ITGBL1: variants seen among roughly 807,000 people sequenced by gnomAD.
ITGBL1 encodes integrin beta-like protein 1.
A neutral mutation model predicts 68.5 loss-of-function variants in ITGBL1; 51 were observed. That is an observed-to-expected ratio of 0.74 (90% CI 0.59 to 0.94). The LOEUF (loss-of-function observed/expected upper bound fraction) is 0.94. ITGBL1 is among the 40% of genes least tolerant of loss of function. ITGBL1 has a pLI of 0.00. For synonymous variants in ITGBL1, 209 were observed against 227.3 expected (o/e 0.92, Z 0.72); for missense variants, 649 against 647.4 (o/e 1.00, Z -0.03).
At chr13:101,602,028 A>G (rs1410274196) in intron 7 of ITGBL1, among the ~76,000 whole-genome samples, 3 of 152,026 alleles carry the variant, frequency 2.0e-5, no homozygotes, top group African/African-American at 4.8e-5. Flanking sequence ...CTCTTTATAT[A>G]TATCTTTTGC....
At chr13:101,651,151 A>G (rs1437743603) in intron 7 of ITGBL1, among the ~76,000 whole-genome samples, 1 of 152,154 alleles carries the variant, frequency 6.6e-6, no homozygotes, top group East Asian at 1.9e-4. Flanking sequence ...ATATTCCTTT[A>G]GGTATATACC....
chr13:101,699,341 G>A lies in ITGBL1; in HGVS notation c.1132+6640G>A, dbSNP rs143581350. Reference sequence around the variant, plus strand: ...GAACCCCATCTCTCTCTTCTGCTCTGCCCTTCCAGTATGACGTTTATCATT... The same window carrying A: ...GAACCCCATCTCTCTCTTCTGCTCTACCCTTCCAGTATGACGTTTATCATT... On this transcript the variant is annotated intron_variant, in intron 8 of 10. Transcript: ENST00000376180. Among the ~76,000 whole-genome samples, 11 of 152,264 alleles carry A rather than the reference G, an allele frequency of 7.2e-5. No homozygotes were observed. The East Asian group carries it at 2.1e-3, about 29-fold the overall frequency.
chr13:101,580,155 G>A (rs1323130919), intron 5 of ITGBL1, among the ~76,000 whole-genome samples: 1 of 151,962 alleles, frequency 6.6e-6, no homozygotes, highest in East Asian at 1.9e-4. Context: ...CTATCCAATG[G>A]CATTAAAAAG....
chr13:101,553,725 C>A lies in ITGBL1; in HGVS notation c.317-13974C>A, dbSNP rs192264951. ...TGGCTTGTAGACACATTGCCCCGAT[C>A]CCTGCCTTCATCTTCACAAGGCATT... On this transcript the variant is annotated intron_variant, in intron 2 of 10. Coordinates refer to ENST00000376180, the MANE Select transcript of ITGBL1 (RefSeq NM_004791.3). Among the ~76,000 whole-genome samples the A allele has an allele frequency of 1.9e-3, 285 of 151,948 alleles. 1 individual carries two copies. Among genetic ancestry groups the A allele is most frequent in the Admixed American group, 5.4e-3 (83 of 15,252 alleles).
chr13:101,610,709 G>A (rs959748060), intron 7 of ITGBL1, among the ~76,000 whole-genome samples: 17 of 152,076 alleles, frequency 1.1e-4, no homozygotes, highest in Non-Finnish European at 1.5e-5. Flanking sequence ...AGAGCACAGG[G>A]CCCACAAAGC....
In ITGBL1 at chr13:101,715,548, T is replaced by C; in HGVS notation, c.1394-15T>C. On this transcript the variant is annotated splice_polypyrimidine_tract_variant and intron_variant, in intron 10 of 10. Coordinates refer to ENST00000376180, the MANE Select transcript of ITGBL1 (RefSeq NM_004791.3). ...TTTGATCATAATCATGATACCTATA[T>C]GTATTTTATTGCAGGGAATGGAATA... 6.4e-7 allele frequency: 1 copy of C among 1,562,512 alleles called. No individual in the cohort carries two copies. Among genetic ancestry groups the C allele is most frequent in the Non-Finnish European group, 8.8e-7 (1 of 1,132,906 alleles).
At chr13:101,515,473 C>T (rs1182649261) in intron 2 of ITGBL1, among the ~76,000 whole-genome samples, 1 of 151,990 alleles carries the variant, frequency 6.6e-6, no homozygotes, top group Non-Finnish European at 1.5e-5. Flanking sequence ...TGAGTCTTTC[C>T]ACTAGTTCTT....
chr13:101,478,748 T>G (rs1428094837), intron 2 of ITGBL1, among the ~76,000 whole-genome samples: 1 of 151,348 alleles, frequency 6.6e-6, no homozygotes, highest in East Asian at 1.9e-4. Context: ...ATAAAATGAG[T>G]TAACCAAAGA....
intron 2 of ITGBL1, among the ~76,000 whole-genome samples, chr13:101,563,191 TA>T (rs2050128795): frequency 6.6e-6 from 1 of 151,156 alleles, no homozygotes; most frequent in Admixed American, 6.6e-5. Flanking sequence ...ATGTTTATAT[TA>T]GAACAGAAGA....
At chr13:101,714,012 AGTT>A (rs749003809) in intron 9 of ITGBL1, 13 of 156,972 alleles carry the variant, frequency 8.3e-5, no homozygotes, top group African/African-American at 1.2e-4. Flanking sequence ...ATAATTTAGT[AGTT>A]GTTTTAATTA....
intron 2 of ITGBL1, among the ~76,000 whole-genome samples, chr13:101,479,852 C>T (rs1327517088): frequency 1.3e-5 from 2 of 151,954 alleles, no homozygotes; most frequent in East Asian, 3.9e-4. Context: ...AAGGAACCCT[C>T]TTACAGTGTT....
rs1011415527 is a variant in ITGBL1, at chr13:101,630,965, G to T, written c.1015+32666G>T. Reference sequence around the variant, plus strand: ...GAAGCATGTGTTCTGAATTCGACTTGTCGCTTTGCTGGTTCTGTAGCTCTA... The same window carrying T: ...GAAGCATGTGTTCTGAATTCGACTTTTCGCTTTGCTGGTTCTGTAGCTCTA... On this transcript the variant is annotated intron_variant, in intron 7 of 10. Transcript: ENST00000376180. 3.3e-5 allele frequency among the ~76,000 whole-genome samples: 5 copies of T among 152,236 alleles called. No individual in the cohort carries two copies. The East Asian group carries it at 9.6e-4, about 29-fold the overall frequency.
chr13:101,576,076 A>ATGTT (rs1182230164), intron 4 of ITGBL1, among the ~76,000 whole-genome samples: 8 of 152,296 alleles, frequency 5.3e-5, no homozygotes, highest in Middle Eastern at 6.8e-3. Flanking sequence ...CAGTTCTTGC[A>ATGTT]TGTTTGCTAG....
At chr13:101,525,158 T>C (rs776915875) in intron 2 of ITGBL1, among the ~76,000 whole-genome samples, 3 of 152,176 alleles carry the variant, frequency 2.0e-5, no homozygotes, top group Non-Finnish European at 2.9e-5. Flanking sequence ...ATTGAACTGA[T>C]ATATGTTCAT....
At chr13:101,636,699 A>C (rs1166947337) in intron 7 of ITGBL1, among the ~76,000 whole-genome samples, 1 of 152,188 alleles carries the variant, frequency 6.6e-6, no homozygotes, top group Non-Finnish European at 1.5e-5. Context: ...AGTGGGAAGG[A>C]GAAGCTAAAG....
At chr13:101,685,011 T>TA (rs765855202) in intron 7 of ITGBL1, among the ~76,000 whole-genome samples, 1 of 152,004 alleles carries the variant, frequency 6.6e-6, no homozygotes, top group Non-Finnish European at 1.5e-5. Flanking sequence ...GCTTACCTGT[T>TA]ATGACATTTC....
rs568712828 is a variant in ITGBL1 at position 101,697,153 on chromosome 13, C to A, written c.1132+4452C>A. Among the ~76,000 whole-genome samples, 5 of 151,150 alleles carry A rather than the reference C, an allele frequency of 3.3e-5. No individual in the cohort carries two copies. The East Asian group carries it at 9.7e-4, about 29-fold the overall frequency. Reference sequence around the variant, plus strand: ...ATTATTTATAATATATATTATGTCACCTTCATTTCTTATACTTGGCTCATC... The same window carrying A: ...ATTATTTATAATATATATTATGTCAACTTCATTTCTTATACTTGGCTCATC... On this transcript the variant is annotated intron_variant, in intron 8 of 10. Coordinates refer to ENST00000376180, the MANE Select transcript of ITGBL1 (RefSeq NM_004791.3).
intron 9 of ITGBL1, chr13:101,712,317 CT>C (rs1013695939): frequency 2.6e-5 from 4 of 152,146 alleles, no homozygotes; most frequent in African/African-American, 9.7e-5. Flanking sequence ...ATTTCAGCGA[CT>C]AGTAGACTTT....
chr13:101,623,794 A>AGTG lies in ITGBL1; in HGVS notation c.1015+25496_1015+25498dup, dbSNP rs1267100297. Reference sequence around the variant, plus strand: ...TCACATTAGGTGAGATCATCAGGGCAGTGTGGTAAGTAGTCTGACTGTAGA... The same window carrying AGTG: ...TCACATTAGGTGAGATCATCAGGGCAGTGGTGTGGTAAGTAGTCTGACTGTAGA... On this transcript the variant is annotated intron_variant, in intron 7 of 10. Transcript: ENST00000376180. 5.3e-5 allele frequency among the ~76,000 whole-genome samples: 8 copies of AGTG among 152,250 alleles called. No individual in the cohort carries two copies. The East Asian group carries it at 1.5e-3, about 29-fold the overall frequency.
Sources: allele counts gnomAD v4.1 joint callset (sites outside exome capture counted in the v4.1 genomes callset), GRCh38; gene constraint gnomAD v4.1.1; transcripts MANE v1.5; gene names NCBI Gene and HGNC (gene_info 2026-07-23, HGNC 2026-07-21).